PSMA1: variants seen among roughly 807,000 people sequenced by gnomAD.
PSMA1 encodes the protein proteasome 20S subunit alpha 1.
PSMA1 carries 3 observed loss-of-function variants against 38.4 expected under a neutral mutation model. That is an observed-to-expected ratio of 0.08 (90% CI 0.04 to 0.20). The LOEUF is 0.20. Ranked by LOEUF, PSMA1 falls within the 10% of genes least tolerant of loss-of-function variation. PSMA1 has a pLI of 1.00. For missense variants in PSMA1, 227 were observed against 325.3 expected (o/e 0.70, Z 2.32); for synonymous variants, 101 against 107.1 (o/e 0.94, Z 0.35).
rs565907719 is a variant in PSMA1 at position 14,527,723 on chromosome 11, C to T, written c.22-8682G>A. ...CCCACAGGGTCTGAGAAGGCCACCGCGGTCATTTCATCCCTTCTGTCAGAC... is the reference window on the plus strand; with the variant it reads ...CCCACAGGGTCTGAGAAGGCCACCGTGGTCATTTCATCCCTTCTGTCAGAC... On this transcript the variant is annotated intron_variant, in intron 2 of 10. Transcript: ENST00000418988. Among the ~76,000 whole-genome samples the T allele has an allele frequency of 2.6e-5, 4 of 152,270 alleles. No homozygotes were observed. The East Asian group carries it at 5.8e-4, about 22-fold the overall frequency.
chr11:14,627,313 G>T (rs1440873470), intron 1 of PSMA1, among the ~76,000 whole-genome samples: 1 of 152,144 alleles, frequency 6.6e-6, no homozygotes, highest in Non-Finnish European at 1.5e-5. Flanking sequence ...GGATAATGTG[G>T]TTCCTAGACC....
chr11:14,592,376 C>CTA lies in PSMA1; in HGVS notation c.21+18588_21+18589dup, dbSNP rs71044013. 2.8e-3 allele frequency among the ~76,000 whole-genome samples: 347 copies of CTA among 122,360 alleles called. 4 individuals are homozygous for CTA. Among genetic ancestry groups the CTA allele is most frequent in the Middle Eastern group, 0.027 (6 of 226 alleles). 80.3% of individuals were successfully genotyped at this position (122,360 alleles called of 152,430 possible). On this transcript the variant is annotated intron_variant, in intron 2 of 10. Coordinates refer to the PSMA1 transcript ENST00000418988. Reference sequence around the variant, plus strand: ...ACAGTCTCTCTCTCTCTCTCTCTCTCTATATATATATATATATATTTTTTT... The same window carrying CTA: ...ACAGTCTCTCTCTCTCTCTCTCTCTCTATATATATATATATATATATTTTTTT...
chr11:14,590,539 A>G (rs757738195), intron 2 of PSMA1, among the ~76,000 whole-genome samples: 15 of 152,174 alleles, frequency 9.9e-5, no homozygotes, highest in Non-Finnish European at 1.8e-4. Flanking sequence ...CAGTGGGACT[A>G]ATGAACAGGG....
rs542958649 is a variant in PSMA1, at chr11:14,621,406, C to T, written c.-165-10255G>A. On this transcript the variant is annotated intron_variant, in intron 1 of 10. Transcript: ENST00000418988. ...CAGAGTAGCTGGGACTACAGGCATG[C>T]GCCACCACCCCCAGCTAATTTTCAA... Among the ~76,000 whole-genome samples, 31 of 151,938 alleles carry T rather than the reference C, an allele frequency of 2.0e-4. No homozygotes were observed. In the East Asian group the frequency reaches 5.2e-3, roughly 26 times the overall value.
In PSMA1 at chr11:14,509,311, A is replaced by G. The variant is rs533793981; in HGVS notation, c.625-1545T>C. ...TGGAGACATTCCCCCCTCACACCCT[A>G]TAACAAATCTATTAGCAAACTTTTT... On this transcript the variant is annotated intron_variant, in intron 8 of 9. Transcript: ENST00000396394. 1.3e-4 allele frequency among the ~76,000 whole-genome samples: 20 copies of G among 152,236 alleles called. No homozygotes were observed. The East Asian group carries it at 3.7e-3, about 28-fold the overall frequency.
intron 1 of PSMA1, chr11:14,519,986 G>A: frequency 2.1e-6 from 1 of 474,142 alleles, no homozygotes; most frequent in Non-Finnish European, 3.8e-6. Context: ...CACAGCACTA[G>A]GAGCTATTCT....
chr11:14,532,067 C>T (rs1165008308), intron 2 of PSMA1, among the ~76,000 whole-genome samples: 2 of 151,686 alleles, frequency 1.3e-5, no homozygotes, highest in Non-Finnish European at 2.9e-5. Context: ...TAATATAATA[C>T]CATTTTAATT....
At chr11:14,592,354 G>GTCTCTCTCTCTCTC (rs569894376) in intron 2 of PSMA1, among the ~76,000 whole-genome samples, 1 of 135,912 alleles carries the variant, frequency 7.4e-6, no homozygotes, top group Non-Finnish European at 1.5e-5. Context: ...CTCTGACACA[G>GTCTCTCTCTCTCTC]TCTCTCTCTC....
intron 2 of PSMA1, among the ~76,000 whole-genome samples, chr11:14,544,932 C>T (rs1208305989): frequency 1.3e-5 from 2 of 152,158 alleles, no homozygotes; most frequent in Non-Finnish European, 2.9e-5. Flanking sequence ...ACAACCTAAA[C>T]GTGCATCAAC....
chr11:14,640,911 G>A (rs1434446781), intron 1 of PSMA1, among the ~76,000 whole-genome samples: 3 of 152,136 alleles, frequency 2.0e-5, no homozygotes, highest in Admixed American at 6.5e-5. Flanking sequence ...TTTATCCTGA[G>A]AAATTAGAAA....
intron 2 of PSMA1, among the ~76,000 whole-genome samples, chr11:14,557,340 T>C (rs375845803): frequency 1.4e-4 from 21 of 152,076 alleles, no homozygotes; most frequent in African/African-American, 4.8e-4. Flanking sequence ...CAGGTTCAAG[T>C]GATTCTCCTG....
intron 2 of PSMA1, among the ~76,000 whole-genome samples, chr11:14,561,850 T>G (rs1438909264): frequency 6.6e-6 from 1 of 151,116 alleles, no homozygotes. Flanking sequence ...TAAACTAAAC[T>G]AAACTAAACT....
intron 1 of PSMA1, among the ~76,000 whole-genome samples, chr11:14,631,595 C>T (rs1409859666): frequency 6.6e-6 from 1 of 152,072 alleles, no homozygotes; most frequent in Non-Finnish European, 1.5e-5. Context: ...AGTATGTGGT[C>T]AAGTTTGGAA....
At chr11:14,608,432 G>A (rs1047432368) in intron 2 of PSMA1, among the ~76,000 whole-genome samples, 1 of 151,254 alleles carries the variant, frequency 6.6e-6, no homozygotes, top group African/African-American at 2.4e-5. Flanking sequence ...GAGCGGGGAG[G>A]GTTAGCATTA....
intron 2 of PSMA1, among the ~76,000 whole-genome samples, chr11:14,601,684 A>C (rs1438721755): frequency 1.3e-5 from 2 of 152,208 alleles, no homozygotes; most frequent in Admixed American, 1.3e-4. Flanking sequence ...AAAGATTTAT[A>C]GATGCCTTAA....
chr11:14,589,765 A>G (rs1852389931), intron 2 of PSMA1, among the ~76,000 whole-genome samples: 1 of 152,172 alleles, frequency 6.6e-6, no homozygotes, highest in African/African-American at 2.4e-5. Flanking sequence ...AGAAATCTTG[A>G]GGCATTCCTG....
At chr11:14,613,042 T>C (rs1174419592) in intron 1 of PSMA1, among the ~76,000 whole-genome samples, 1 of 152,094 alleles carries the variant, frequency 6.6e-6, no homozygotes, top group African/African-American at 2.4e-5. Flanking sequence ...ATTCCAAATT[T>C]CACTGGATGG....
intron 2 of PSMA1, among the ~76,000 whole-genome samples, chr11:14,599,454 T>C (rs1024954425): frequency 1.3e-5 from 2 of 152,230 alleles, no homozygotes; most frequent in Non-Finnish European, 2.9e-5. Context: ...CTCTTTTTTC[T>C]CTAATCTTGT....
intron 2 of PSMA1, among the ~76,000 whole-genome samples, chr11:14,596,699 A>T (rs928129408): frequency 6.6e-6 from 1 of 152,182 alleles, no homozygotes; most frequent in African/African-American, 2.4e-5. Context: ...AACAGGTACA[A>T]TTTGACTTCC....
Sources: allele counts gnomAD v4.1 joint callset (sites outside exome capture counted in the v4.1 genomes callset), GRCh38; gene constraint gnomAD v4.1.1; transcripts MANE v1.5; gene names NCBI Gene and HGNC (gene_info 2026-07-23, HGNC 2026-07-21).